Variants in UNC5D observed in about 807,000 individuals in gnomAD.
UNC5D encodes the protein netrin receptor UNC5D.
UNC5D carries 39 observed loss-of-function variants against 105.4 expected under a neutral mutation model. The ratio of observed to expected loss-of-function variants is 0.37; its 90% CI spans 0.29 to 0.48. The LOEUF is 0.48. Among genes scored for constraint, UNC5D ranks in the 20% least tolerant of loss-of-function variants. UNC5D has a pLI of 0.98. For synonymous variants in UNC5D, 452 were observed against 450.4 expected, an observed-to-expected ratio of 1.00 and a Z score of -0.04; for missense variants, 991 against 1,202.4, an observed-to-expected ratio of 0.82 and a Z score of 2.60.
At chr8:35,628,792 A>C (rs1253174646) in intron 4 of UNC5D, among the ~76,000 whole-genome samples, 1 of 152,144 alleles carries the variant, frequency 6.6e-6, no homozygotes, top group African/African-American at 2.4e-5. Flanking sequence ...TATGAGACTT[A>C]CTCTCAGTGA....
chr8:35,304,222 T>C (rs1429410370), intron 1 of UNC5D, among the ~76,000 whole-genome samples: 2 of 152,104 alleles, frequency 1.3e-5, no homozygotes, highest in Non-Finnish European at 2.9e-5. Flanking sequence ...TTCTCAATAA[T>C]GGCCTCTCTG....
At chr8:35,713,456 T>C (rs1030340662) in intron 8 of UNC5D, among the ~76,000 whole-genome samples, 12 of 152,210 alleles carry the variant, frequency 7.9e-5, no homozygotes, top group Non-Finnish European at 1.5e-4. Context: ...AAAAGCATAG[T>C]TCTTTTACAG....
chr8:35,567,782 A>C (rs368694256), intron 2 of UNC5D, among the ~76,000 whole-genome samples: 118 of 152,294 alleles, frequency 7.7e-4, no homozygotes, highest in South Asian at 2.5e-3. Flanking sequence ...GAATCCCAGC[A>C]ATCAACATTG....
At chr8:35,595,312 A>G (rs529220347) in intron 3 of UNC5D, among the ~76,000 whole-genome samples, 1 of 152,126 alleles carries the variant, frequency 6.6e-6, no homozygotes, top group South Asian at 2.1e-4. Context: ...TCTCCTAGTT[A>G]TTTATTTCAT....
intron 4 of UNC5D, among the ~76,000 whole-genome samples, chr8:35,626,178 C>T (rs1821689811): frequency 1.3e-5 from 2 of 151,256 alleles, no homozygotes; most frequent in Admixed American, 1.3e-4. Flanking sequence ...ATTTCTCTCC[C>T]TGGGGCCACT....
intron 1 of UNC5D, among the ~76,000 whole-genome samples, chr8:35,289,335 CATT>C (rs1394393896): frequency 6.6e-6 from 1 of 152,136 alleles, no homozygotes; most frequent in Non-Finnish European, 1.5e-5. Flanking sequence ...GTGCACTAAA[CATT>C]GTAGCACTGA....
intron 4 of UNC5D, among the ~76,000 whole-genome samples, chr8:35,681,446 C>T (rs1326133562): frequency 6.6e-6 from 1 of 152,214 alleles, no homozygotes; most frequent in African/African-American, 2.4e-5. Flanking sequence ...TGATACTCAA[C>T]AGATGTTTAG....
At chr8:35,425,034 G>A (rs927018714) in intron 1 of UNC5D, among the ~76,000 whole-genome samples, 3 of 152,040 alleles carry the variant, frequency 2.0e-5, no homozygotes, top group Non-Finnish European at 2.9e-5. Context: ...CAATTCCCAC[G>A]TGGGGTGGGG....
At chr8:35,748,270 A>G (rs1282379696) in intron 11 of UNC5D, among the ~76,000 whole-genome samples, 3 of 152,158 alleles carry the variant, frequency 2.0e-5, no homozygotes, top group East Asian at 1.9e-4. Flanking sequence ...TCTGCCCTGT[A>G]TTTCCAAAGA....
At chr8:35,649,203 T>A (rs922298986) in intron 4 of UNC5D, among the ~76,000 whole-genome samples, 1 of 152,210 alleles carries the variant, frequency 6.6e-6, no homozygotes, top group African/African-American at 2.4e-5. Context: ...GGAACTATTA[T>A]ATGGACTAGG....
At chr8:35,303,332 A>C (rs1808100173) in intron 1 of UNC5D, among the ~76,000 whole-genome samples, 1 of 152,156 alleles carries the variant, frequency 6.6e-6, no homozygotes, top group African/African-American at 2.4e-5. Context: ...TTAAATTTTA[A>C]TTTTATTTAA....
Position 35,286,391 on chromosome 8 carries a change from T to C in UNC5D, c.103+50504T>C, listed in dbSNP as rs10094432. The stretch of plus-strand genomic sequence containing the variant: ...TACTGTAGGAAACACCGCCCACAAG[T>C]CTTCTAGGCTTGAATTCCTAGCGAG... On this transcript the variant is annotated intron_variant, in intron 1 of 16. Transcript: ENST00000404895. 8.2e-3 allele frequency among the ~76,000 whole-genome samples: 1,253 copies of C among 152,250 alleles called. 19 individuals are homozygous for C. The highest frequency in any genetic ancestry group is 0.029 in the African/African-American group (1,212 of 41,548).
chr8:35,272,592 A>G (rs1805489390), intron 1 of UNC5D, among the ~76,000 whole-genome samples: 1 of 152,098 alleles, frequency 6.6e-6, no homozygotes, highest in Non-Finnish European at 1.5e-5. Flanking sequence ...GCCCCTGGGG[A>G]GAGGGTGACT....
At chr8:35,366,713 G>C (rs1802142558) in intron 1 of UNC5D, among the ~76,000 whole-genome samples, 1 of 151,928 alleles carries the variant, frequency 6.6e-6, no homozygotes. Context: ...GTGCATTCTA[G>C]ATCCTTCTTC....
At chr8:35,582,321 G>A (rs1488794273) in intron 3 of UNC5D, among the ~76,000 whole-genome samples, 1 of 152,192 alleles carries the variant, frequency 6.6e-6, no homozygotes, top group Admixed American at 6.5e-5. Context: ...TGATGCAGTG[G>A]TTGCATCTTT....
At chr8:35,293,743 G>A (rs146574160) in intron 1 of UNC5D, among the ~76,000 whole-genome samples, 72 of 152,214 alleles carry the variant, frequency 4.7e-4, no homozygotes, top group Middle Eastern at 3.4e-3. Context: ...TTACTATAAC[G>A]GTTATGGCAT....
chr8:35,639,311 A>G (rs897986930), intron 4 of UNC5D, among the ~76,000 whole-genome samples: 13 of 152,206 alleles, frequency 8.5e-5, no homozygotes, highest in African/African-American at 3.1e-4. Flanking sequence ...ATTTGCTCAT[A>G]TTGAGTGGTT....
intron 1 of UNC5D, among the ~76,000 whole-genome samples, chr8:35,321,084 A>G (rs903989539): frequency 2.0e-5 from 3 of 152,080 alleles, no homozygotes; most frequent in Admixed American, 6.6e-5. Context: ...TAACCTCTCT[A>G]TATTAATTTT....
At chr8:35,275,128 T>A (rs1950043) in intron 1 of UNC5D, among the ~76,000 whole-genome samples, 119,205 of 149,028 alleles carry the variant, frequency 0.8, 48,045 homozygotes, top group East Asian at 0.97. Context: ...ATATATATTT[T>A]TATATATATA....
Sources: gnomAD v4.1 joint callset for allele counts (sites outside exome capture counted in the v4.1 genomes callset) on GRCh38, gnomAD v4.1.1 for gene constraint, MANE v1.5 for transcripts, NCBI Gene and HGNC (gene_info 2026-07-23, HGNC 2026-07-21) for gene names.